LEF1: variants seen among roughly 807,000 people sequenced by gnomAD.
LEF1 encodes the protein lymphoid enhancer-binding factor 1.
Under a neutral mutation model 51.2 loss-of-function variants are expected in LEF1, and 14 were observed. That is an observed-to-expected ratio of 0.27 (90% CI 0.18 to 0.43). LEF1 has a LOEUF of 0.43. Ranked by LOEUF, LEF1 falls within the 20% of genes least tolerant of loss-of-function variation. LEF1 has a pLI of 1.00. For missense variants in LEF1, 386 were observed against 512.0 expected, an observed-to-expected ratio of 0.75 and a Z score of 2.37; for synonymous variants, 185 against 183.2, an observed-to-expected ratio of 1.01 and a Z score of -0.08.
chr4:108,128,900 T>C (rs1216400369), intron 3 of LEF1, among the ~76,000 whole-genome samples: 1 of 152,164 alleles, frequency 6.6e-6, no homozygotes, highest in Non-Finnish European at 1.5e-5. Flanking sequence ...CCCATAAAAA[T>C]GTCCATCATA....
At chr4:108,064,661 ACACAC>A (rs1560761730) in intron 9 of LEF1, among the ~76,000 whole-genome samples, 2 of 13,168 alleles carry the variant, frequency 1.5e-4, no homozygotes, top group Non-Finnish European at 4.9e-4. Flanking sequence ...TCACTCACAC[ACACAC>A]ACACACACAC....
intron 4 of LEF1, among the ~76,000 whole-genome samples, chr4:108,086,579 T>C (rs1202239370): frequency 6.6e-6 from 1 of 152,214 alleles, no homozygotes; most frequent in Non-Finnish European, 1.5e-5. Flanking sequence ...AGTTATGTAA[T>C]TGCTACTGTT....
intron 3 of LEF1, among the ~76,000 whole-genome samples, chr4:108,154,085 G>A (rs1452444687): frequency 1.3e-5 from 2 of 152,042 alleles, no homozygotes; most frequent in African/African-American, 4.8e-5. Flanking sequence ...TTTTTCCAGT[G>A]AACATGTATT....
At chr4:108,092,288 A>G (rs1027446366) in intron 3 of LEF1, among the ~76,000 whole-genome samples, 17 of 152,240 alleles carry the variant, frequency 1.1e-4, no homozygotes, top group African/African-American at 4.1e-4. Flanking sequence ...GTTAAAGCCA[A>G]CAAGGATTAT....
chr4:108,089,988 C>CT lies in LEF1; in HGVS notation c.415-732dup, dbSNP rs1375110900. Among the ~76,000 whole-genome samples the CT allele has an allele frequency of 3.5e-4, 53 of 149,374 alleles. 1 individual carries two copies. The highest frequency in any genetic ancestry group is 3.5e-3 in the Middle Eastern group (1 of 284). On this transcript the variant is annotated intron_variant, in intron 3 of 11. Coordinates refer to ENST00000265165, the MANE Select transcript of LEF1 (RefSeq NM_016269.5). Reference sequence around the variant, plus strand: ...TGAACTGCATAATATGAAATACTGTCTTTTTTTTTTGAGATGGAGTTTCAC... The same window carrying CT: ...TGAACTGCATAATATGAAATACTGTCTTTTTTTTTTTGAGATGGAGTTTCAC...
rs376494151 is a variant in LEF1 at position 108,098,288 on chromosome 4, T to C, written c.415-9031A>G. ...ATGTCCAGCAGGAAACAATGAATGG[T>C]TGGGCCTGAGAAATGGACTCTAGAT... On this transcript the variant is annotated intron_variant, in intron 3 of 11. Transcript: ENST00000265165. 3.5e-4 allele frequency among the ~76,000 whole-genome samples: 54 copies of C among 152,164 alleles called. No homozygotes were observed. In the East Asian group the frequency reaches 6.2e-3, roughly 17 times the overall value.
In LEF1 at chr4:108,061,317, C is replaced by A. The variant is rs142793901; in HGVS notation, c.*6+2306G>T. 8.3e-4 allele frequency among the ~76,000 whole-genome samples: 126 copies of A among 152,222 alleles called. 3 individuals are homozygous for A. In the East Asian group the frequency reaches 0.022, roughly 26 times the overall value. On this transcript the variant is annotated intron_variant, in intron 11 of 11. Transcript: ENST00000265165. ...AATATAAATAAGTGACAAGAAAGCA[C>A]AATGACAGCTGTGACTTGCTAGAAA... is the stretch of plus-strand genomic sequence containing the variant.
At chr4:108,152,021 C>T (rs979176398) in intron 3 of LEF1, among the ~76,000 whole-genome samples, 5 of 152,084 alleles carry the variant, frequency 3.3e-5, no homozygotes, top group African/African-American at 1.2e-4. Context: ...CCTAAAGAAA[C>T]TAACAATCAA....
intron 3 of LEF1, among the ~76,000 whole-genome samples, chr4:108,099,546 G>GTGTGTGTA (rs1212697274): frequency 4.6e-5 from 4 of 87,056 alleles, no homozygotes; most frequent in African/African-American, 1.9e-4. Context: ...GTGTATATGT[G>GTGTGTGTA]TGTGTGTGTA....
intron 3 of LEF1, among the ~76,000 whole-genome samples, chr4:108,120,921 T>G (rs1269532789): frequency 2.0e-5 from 3 of 152,246 alleles, no homozygotes; most frequent in Non-Finnish European, 4.4e-5. Context: ...TAGGCTCATT[T>G]CACTTACTTT....
Position 108,108,133 on chromosome 4 carries a change from G to A in LEF1, c.415-18876C>T, listed in dbSNP as rs764459957. On this transcript the variant is annotated intron_variant, in intron 3 of 11. Transcript: ENST00000265165. The stretch of plus-strand genomic sequence containing the variant: ...CCCAACCATCTATTCAATCACTCTG[G>A]AAAGTGTATAGTTACAAAGGACCTC... Among the ~76,000 whole-genome samples the A allele has an allele frequency of 3.3e-4, 50 of 152,166 alleles. 1 individual carries two copies. The highest frequency in any genetic ancestry group is 7.2e-4 in the Admixed American group (11 of 15,276).
At chr4:108,059,929 C>T (rs1737562666) in intron 11 of LEF1, among the ~76,000 whole-genome samples, 1 of 152,118 alleles carries the variant, frequency 6.6e-6, no homozygotes, top group African/African-American at 2.4e-5. Flanking sequence ...AAGCAATTCA[C>T]CCACTTCAAC....
At chr4:108,072,126 T>C (rs568767979) in intron 8 of LEF1, 2 of 152,364 alleles carry the variant, frequency 1.3e-5, no homozygotes, top group East Asian at 3.9e-4. Context: ...TTCCCATTCA[T>C]GGCTGCCCTG....
chr4:108,058,150 A>C (rs1737430458), intron 11 of LEF1, among the ~76,000 whole-genome samples: 1 of 152,032 alleles, frequency 6.6e-6, no homozygotes, highest in South Asian at 2.1e-4. Context: ...CTGGGATTAC[A>C]GGTGTGAGCC....
chr4:108,054,133 C>T (rs1214037332), intron 11 of LEF1, among the ~76,000 whole-genome samples: 1 of 152,174 alleles, frequency 6.6e-6, no homozygotes, highest in Non-Finnish European at 1.5e-5. Context: ...TAAGGACTGA[C>T]AGTCCTGGGT....
intron 3 of LEF1, among the ~76,000 whole-genome samples, chr4:108,126,558 C>T (rs6852833): frequency 0.55 from 83,907 of 151,652 alleles, 24,112 homozygotes; most frequent in African/African-American, 0.7. Context: ...ATCCCAGCAC[C>T]TTGGGTGGCC....
At chr4:108,157,373 T>C (rs1233495640) in intron 3 of LEF1, among the ~76,000 whole-genome samples, 1 of 152,132 alleles carries the variant, frequency 6.6e-6, no homozygotes, top group Non-Finnish European at 1.5e-5. Context: ...TTGTATTTTT[T>C]AGTAGAGATG....
intron 11 of LEF1, among the ~76,000 whole-genome samples, chr4:108,050,630 C>T (rs905291214): frequency 6.6e-6 from 1 of 152,182 alleles, no homozygotes. Flanking sequence ...AGGCTTGGTC[C>T]AGGTTGCTCT....
At chr4:108,111,988 G>GT (rs1741560922) in intron 3 of LEF1, among the ~76,000 whole-genome samples, 1 of 152,182 alleles carries the variant, frequency 6.6e-6, no homozygotes, top group Non-Finnish European at 1.5e-5. Flanking sequence ...TATTGACACT[G>GT]TATCTTCTCA....
Sources: allele counts gnomAD v4.1 joint callset (sites outside exome capture counted in the v4.1 genomes callset), GRCh38; gene constraint gnomAD v4.1.1; transcripts MANE v1.5; gene names NCBI Gene and HGNC (gene_info 2026-07-23, HGNC 2026-07-21).